The following C19orf18 variants were observed in gnomAD, a reference collection of about 807,000 sequenced individuals.
C19orf18 encodes uncharacterized protein C19orf18.
C19orf18 carries 21 observed loss-of-function variants against 23.3 expected under a neutral mutation model. The ratio of observed to expected loss-of-function variants is 0.90; its 90% CI spans 0.64 to 1.30. C19orf18 has a LOEUF of 1.30. Among genes scored for constraint, C19orf18 ranks in the 50% most tolerant of loss-of-function variants. The pLI is 0.00. For missense variants in C19orf18, 249 were observed against 259.6 expected (o/e 0.96, Z 0.28); for synonymous variants, 96 against 95.2 (o/e 1.01, Z -0.05).
chr19:57,958,707 T>C lies in C19orf18; in HGVS notation c.543A>G (p.Ser181=), dbSNP rs553061633. The C allele has an allele frequency of 8.5e-6, 13 of 1,527,600 alleles. No homozygotes were observed. Among genetic ancestry groups the C allele is most frequent in the African/African-American group, 8.3e-5 (6 of 72,542 alleles). The allele number at this position is 1,527,600 out of a possible 1,614,324, so 94.6% of individuals were successfully genotyped here. A position where few individuals can be genotyped will look rare whatever the true frequency, so the allele number is the denominator to read the frequency against. Residue 181 remains serine (S), a synonymous_variant, in exon 6 of 6, where the codon TCA becomes TCG. Transcript: ENST00000314391. ...TCTTCTTAATATTTTTGCTTCTTTT[T>C]GATATAATAACTAAAATGTAGAAAT... ...LEKFIHSVII[S]KRSKNIKKKL...
chr19:57,967,884 C>T (rs142944574), intron 3 of C19orf18, among the ~76,000 whole-genome samples: 8,158 of 147,162 alleles, frequency 0.055, 323 homozygotes, highest in Middle Eastern at 0.098. Flanking sequence ...TGGTGGCACA[C>T]GCCTGTAATC....
chr19:57,964,879 TG>T (rs2072897866), intron 4 of C19orf18, among the ~76,000 whole-genome samples: 1 of 152,192 alleles, frequency 6.6e-6, no homozygotes, highest in African/African-American at 2.4e-5. Flanking sequence ...TCTGTTGGTT[TG>T]GTCAGAACCG....
rs1568565930 is a variant in C19orf18, at chr19:57,961,878, C to CTT, written c.372-328_372-327insAA. Reference sequence around the variant, plus strand: ...ATCTTTCTTTCCATTCCTTTCTCTTCTCTTTTTCTTTCTCTTTTTTTTCCT... The same window carrying CTT: ...ATCTTTCTTTCCATTCCTTTCTCTTCTTTCTTTTTCTTTCTCTTTTTTTTCCT... On this transcript the variant is annotated intron_variant, in intron 4 of 5. Coordinates refer to ENST00000314391, the MANE Select transcript of C19orf18 (RefSeq NM_152474.5). Among the ~76,000 whole-genome samples, 644 of 151,794 alleles carry CTT rather than the reference C, an allele frequency of 4.2e-3. 10 individuals carry two copies. Among genetic ancestry groups the CTT allele is most frequent in the African/African-American group, 0.014 (586 of 41,142 alleles).
At chr19:57,961,735 A>C (rs1481661914) in intron 4 of C19orf18, among the ~76,000 whole-genome samples, 184 bp from the exon 5 acceptor site, 2 of 152,166 alleles carry the variant, frequency 1.3e-5, no homozygotes, top group Non-Finnish European at 2.9e-5. Context: ...TTCCTGGAGT[A>C]AGGAGTAACT....
chr19:57,961,567 A>C lies in C19orf18; in HGVS notation c.372-16T>G. 1 of 1,596,402 alleles carries C rather than the reference A, an allele frequency of 6.3e-7. No individual in the cohort carries two copies. The highest frequency in any genetic ancestry group is 8.5e-7 in the Non-Finnish European group (1 of 1,175,442). On this transcript the variant is annotated splice_polypyrimidine_tract_variant and intron_variant, in intron 4 of 5. Coordinates refer to ENST00000314391, the MANE Select transcript of C19orf18 (RefSeq NM_152474.5). ...TGCCAGTCGACTGGAGAATGATATA[A>C]ATGAATTTAGAAGCACAGTTTTCAT... is the stretch of plus-strand genomic sequence containing the variant.
Position 57,958,490 on chromosome 19 carries a change from T to A in C19orf18, c.*112A>T, listed in dbSNP as rs548890786. The A allele has an allele frequency of 1.3e-5, 9 of 672,696 alleles. No homozygotes were observed. Among genetic ancestry groups the A allele is most frequent in the Middle Eastern group, 2.4e-4 (1 of 4,094 alleles). 41.7% of individuals were successfully genotyped at this position (672,696 alleles called of 1,614,324 possible). A position where few individuals can be genotyped will look rare whatever the true frequency, so the allele number is the denominator to read the frequency against. ...GGATACAGGTCTGGCATTTCTTTCT[T>A]TGATGTCCTCTTCCATAAGGTTCTC... On this transcript the variant is annotated 3_prime_UTR_variant, in exon 6 of 6. Coordinates refer to ENST00000314391, the MANE Select transcript of C19orf18 (RefSeq NM_152474.5).
At chr19:57,965,926 A>T (rs2072904162) in intron 4 of C19orf18, among the ~76,000 whole-genome samples, 1 of 151,980 alleles carries the variant, frequency 6.6e-6, no homozygotes, top group Admixed American at 6.6e-5. Flanking sequence ...TGTATCTGAA[A>T]AGTTTAAAAA....
At position 57,958,538 on chromosome 19, in the gene C19orf18, G is replaced by T; in HGVS notation, c.*64C>A. 1 of 1,102,488 alleles carries T rather than the reference G, an allele frequency of 9.1e-7. No individual in the cohort carries two copies. The highest frequency in any genetic ancestry group is 1.4e-5 in the South Asian group (1 of 69,440). The allele number at this position is 1,102,488 out of a possible 1,614,324, so 68.3% of individuals were successfully genotyped here. A position where few individuals can be genotyped will look rare whatever the true frequency, so the allele number is the denominator to read the frequency against. On this transcript the variant is annotated 3_prime_UTR_variant, in exon 6 of 6. Coordinates refer to ENST00000314391, the MANE Select transcript of C19orf18 (RefSeq NM_152474.5). ...CTCTGGGAGCAAGCCACGCCCACAG[G>T]CTCAGTCTCCCAGCACCCCCATAGT... is the stretch of plus-strand genomic sequence containing the variant.
At chr19:57,973,552 T>C (rs958313929) in intron 2 of C19orf18, among the ~76,000 whole-genome samples, 1 of 151,790 alleles carries the variant, frequency 6.6e-6, no homozygotes, top group Non-Finnish European at 1.5e-5. Flanking sequence ...AGTGAAACCC[T>C]GTCTCTACTA....
chr19:57,964,925 G>A (rs548666259), intron 4 of C19orf18, among the ~76,000 whole-genome samples: 180 of 152,098 alleles, frequency 1.2e-3, no homozygotes, highest in African/African-American at 4.1e-3. Context: ...TTTTTCTACC[G>A]TGAATTTCAA....
In C19orf18 at chr19:57,972,428, C is replaced by T. The variant is rs373387103; in HGVS notation, c.268+35G>A. ...CATCACGACAGCTTCAGGAATGTTG[C>T]GGGTCCACCCGCCCTCCCAGATCCC... On this transcript the variant is annotated intron_variant, in intron 3 of 5. Coordinates refer to ENST00000314391, the MANE Select transcript of C19orf18 (RefSeq NM_152474.5). 6.6e-5 allele frequency: 107 copies of T among 1,610,492 alleles called. No homozygotes were observed. The African/African-American group carries it at 1.1e-3, about 16-fold the overall frequency.
At chr19:57,965,539 A>G (rs1305162939) in intron 4 of C19orf18, among the ~76,000 whole-genome samples, 1 of 152,182 alleles carries the variant, frequency 6.6e-6, no homozygotes, top group Non-Finnish European at 1.5e-5. Context: ...TGAGGTCTGG[A>G]GTTCGAGACC....
intron 5 of C19orf18, 38 bp from the exon 6 acceptor site, chr19:57,958,755 G>A (rs765365150): frequency 4.9e-6 from 6 of 1,215,276 alleles, no homozygotes; most frequent in South Asian, 1.4e-5. Context: ...ATAGTAATAA[G>A]TGAGGAATAA....
intron 4 of C19orf18, among the ~76,000 whole-genome samples, chr19:57,965,080 C>G (rs1354174861): frequency 6.6e-6 from 1 of 151,950 alleles, no homozygotes; most frequent in Non-Finnish European, 1.5e-5. Context: ...CTGCTGTGCA[C>G]TATTGAGATT....
Position 57,972,548 on chromosome 19 carries a change from T to C in C19orf18, c.227-44A>G, listed in dbSNP as rs769897740. The C allele has an allele frequency of 4.4e-6, 7 of 1,598,062 alleles. No individual in the cohort carries two copies. The Middle Eastern group carries it at 5.0e-4, about 114-fold the overall frequency. ...GGATCAAAAAGAAGAGACTTTAAGA[T>C]GGTTTAAGATGAACTTGGGAAAACA... On this transcript the variant is annotated intron_variant, in intron 2 of 5. Coordinates refer to ENST00000314391, the MANE Select transcript of C19orf18 (RefSeq NM_152474.5).
intron 3 of C19orf18, among the ~76,000 whole-genome samples, chr19:57,969,126 T>G (rs1266923421): frequency 6.6e-6 from 1 of 152,188 alleles, no homozygotes; most frequent in Non-Finnish European, 1.5e-5. Flanking sequence ...TACCCGTGTG[T>G]GGTGGGCCAT....
chr19:57,961,050 A>G (rs1215407775), intron 5 of C19orf18, among the ~76,000 whole-genome samples: 1 of 152,032 alleles, frequency 6.6e-6, no homozygotes, highest in African/African-American at 2.4e-5. Flanking sequence ...CCTGGCTAAA[A>G]TGGTGAAACC....
At chr19:57,964,444 G>T (rs1159649404) in intron 4 of C19orf18, among the ~76,000 whole-genome samples, 2 of 152,080 alleles carry the variant, frequency 1.3e-5, no homozygotes, top group Non-Finnish European at 2.9e-5. Context: ...ACCACACCTG[G>T]CTAATTTTTG....
chr19:57,971,508 T>C (rs1325433152), intron 3 of C19orf18, among the ~76,000 whole-genome samples: 1 of 152,116 alleles, frequency 6.6e-6, no homozygotes, highest in Non-Finnish European at 1.5e-5. Context: ...CCTCGCTCTG[T>C]TGCCCAGGCT....
Sources: allele counts gnomAD v4.1 joint callset (sites outside exome capture counted in the v4.1 genomes callset), GRCh38; gene constraint gnomAD v4.1.1; transcripts MANE v1.5; gene names NCBI Gene and HGNC (gene_info 2026-07-23, HGNC 2026-07-21).